EIF2S3: variants seen among roughly 807,000 people sequenced by gnomAD.
EIF2S3 encodes eukaryotic translation initiation factor 2 subunit gamma, also known as eukaryotic translation initiation factor 2 subunit 3.
EIF2S3 carries 2 observed loss-of-function variants against 31.7 expected under a neutral mutation model. The ratio of observed to expected loss-of-function variants is 0.06; its 90% CI spans 0.03 to 0.20. The LOEUF (loss-of-function observed/expected upper bound fraction) is 0.20. EIF2S3 is among the 10% of genes least tolerant of loss of function. EIF2S3 has a pLI of 1.00. For missense variants in EIF2S3, 96 were observed against 359.3 expected (o/e 0.27, Z 5.92); for synonymous variants, 120 against 126.7 (o/e 0.95, Z 0.36).
Position 24,057,760 on chromosome X carries a change from C to A in EIF2S3, c.383+6C>A, listed in dbSNP as rs999090964. 3.3e-6 allele frequency: 4 copies of A among 1,199,733 alleles called. No individual in the cohort carries two copies. The Admixed American group carries it at 7.0e-5, about 21-fold the overall frequency. On this transcript the variant is annotated splice_donor_region_variant and intron_variant, in intron 4 of 11. Transcript: ENST00000253039. ...GGGAACTTCAAATTAGTCAGGTGAC[C>A]TCTCTTTTGCTACAAACACTACACT...
At chrX:24,076,157 T>C (rs1195380308) in intron 11 of EIF2S3, among the ~76,000 whole-genome samples, 3 of 112,204 alleles carry the variant, frequency 2.7e-5, no homozygotes, top group African/African-American at 9.7e-5. Context: ...TATGCCCTTT[T>C]GATTTTACTG....
Position 24,071,770 on chromosome X carries a change from A to C in EIF2S3, c.1182+43A>C, listed in dbSNP as rs775556695. The C allele has an allele frequency of 2.6e-6, 3 of 1,150,868 alleles. No homozygotes were observed. The East Asian group carries it at 9.0e-5, about 35-fold the overall frequency. The allele number at this position is 1,150,868 out of a possible 1,213,427, so 94.8% of individuals were successfully genotyped here. On this transcript the variant is annotated intron_variant, in intron 10 of 11. Transcript: ENST00000253039. ...AATTCCTGTTTCTAAAAAAGTGACA[A>C]ATGGGAGTGTTAAACCAGTGTTGAG...
chrX:24,071,194 CTT>C (rs779322058), intron 9 of EIF2S3, among the ~76,000 whole-genome samples: 1 of 100,999 alleles, frequency 9.9e-6, no homozygotes, highest in Non-Finnish European at 2.0e-5. Flanking sequence ...ATCTAATTCA[CTT>C]TTTTTTTTTT....
chrX:24,066,905 T>G (rs138740783), intron 8 of EIF2S3, among the ~76,000 whole-genome samples: 1 of 112,103 alleles, frequency 8.9e-6, no homozygotes, highest in Non-Finnish European at 1.9e-5. Context: ...ACAATAAACA[T>G]GGGAGTGCAG....
rs369512704 is a variant in EIF2S3 at position 24,059,959 on chromosome X, C to G, written c.384-129C>G. On this transcript the variant is annotated intron_variant, in intron 4 of 11. Transcript: ENST00000253039. ...TGAACTTATTTCCAAGTTCTAGAAA[C>G]GACAAGCCCTGTAACCATTTTATAG... 1.4e-4 allele frequency: 69 copies of G among 480,802 alleles called. No homozygotes were observed. The South Asian group carries it at 2.3e-3, about 16-fold the overall frequency. The allele number at this position is 480,802 out of a possible 1,213,427, so 39.6% of individuals were successfully genotyped here.
At chrX:24,055,433 T>C (rs1331050998) in intron 1 of EIF2S3, among the ~76,000 whole-genome samples, 182 bp from the exon 2 acceptor site, 2 of 111,438 alleles carry the variant, frequency 1.8e-5, no homozygotes, top group Non-Finnish European at 3.8e-5. Flanking sequence ...TGTTGTGTAA[T>C]GATGAAGGGC....
intron 5 of EIF2S3, among the ~76,000 whole-genome samples, 166 bp from the exon 6 acceptor site, chrX:24,062,250 A>T (rs1369106220): frequency 9.0e-6 from 1 of 111,175 alleles, no homozygotes; most frequent in Non-Finnish European, 1.9e-5. Context: ...GAACTTTTGT[A>T]TCACCGCAAA....
chrX:24,067,613 C>G (rs1175883488), intron 8 of EIF2S3, among the ~76,000 whole-genome samples: 7 of 106,075 alleles, frequency 6.6e-5, no homozygotes, highest in Non-Finnish European at 1.3e-4. Context: ...ATTTTTGAGA[C>G]AGAGTCTCTC....
Position 24,057,663 on chromosome X carries a change from C to T in EIF2S3, c.292C>T (p.Arg98Trp). Residue 98 changes from arginine (R) to tryptophan (W), a missense_variant, in exon 4 of 12, where the codon CGG (arginine) becomes TGG (tryptophan). This residue lies in a region of EIF2S3 where 22 missense variants were observed against 34.5 expected (regional missense o/e 0.64). Coordinates refer to ENST00000253039, the MANE Select transcript of EIF2S3 (RefSeq NM_001415.4). ...IYKLDDPSCP[R>W]PECYRSCGSS... ...TAAGCTTGATGACCCAAGTTGCCCT[C>T]GGCCAGAATGTTATAGATCTTGTGG... The T allele has an allele frequency of 8.3e-7, 1 of 1,211,608 alleles. No individual in the cohort carries two copies. The highest frequency in any genetic ancestry group is 1.1e-6 in the Non-Finnish European group (1 of 895,468).
At chrX:24,068,726 G>A (rs760589447) in intron 9 of EIF2S3, among the ~76,000 whole-genome samples, 2 of 111,858 alleles carry the variant, frequency 1.8e-5, no homozygotes, top group South Asian at 3.7e-4. Context: ...GATTACAGGC[G>A]TGAACCACCA....
At chrX:24,065,894 G>T (rs1327056664) in intron 7 of EIF2S3, 104 bp from the exon 8 acceptor site, 3 of 666,825 alleles carry the variant, frequency 4.5e-6, no homozygotes, top group Non-Finnish European at 6.8e-6. Context: ...CACCCCTTTG[G>T]TATAAATCTC....
chrX:24,063,343 A>T (rs1930521749), intron 6 of EIF2S3, among the ~76,000 whole-genome samples: 1 of 112,243 alleles, frequency 8.9e-6, no homozygotes, highest in South Asian at 3.6e-4. Flanking sequence ...TTTCTCTCTC[A>T]GTCTTGTTTT....
At chrX:24,073,415 G>A (rs1024095434) in intron 11 of EIF2S3, 152 bp downstream of exon 11, 9 of 754,039 alleles carry the variant, frequency 1.2e-5, no homozygotes, top group Admixed American at 4.0e-5. Context: ...TACTTCGGCC[G>A]GGTGCGGTGG....
intron 1 of EIF2S3, 62 bp downstream of exon 1, chrX:24,055,099 G>A: frequency 8.9e-7 from 1 of 1,125,547 alleles, no homozygotes. Context: ...CGAGCCTCCC[G>A]GTGGTATTGG....
At chrX:24,055,913 G>A (rs1930396839) in intron 2 of EIF2S3, among the ~76,000 whole-genome samples, 2 of 112,100 alleles carry the variant, frequency 1.8e-5, no homozygotes, top group Admixed American at 9.5e-5. Context: ...AAGTTTAATA[G>A]CATAAGGCAG....
intron 9 of EIF2S3, among the ~76,000 whole-genome samples, chrX:24,069,401 A>G (rs1161211345): frequency 2.8e-5 from 3 of 108,414 alleles, no homozygotes; most frequent in Non-Finnish European, 1.9e-5. Flanking sequence ...AACAAGAAGA[A>G]AAGAAAAGAA....
intron 4 of EIF2S3, 74 bp from the exon 5 acceptor site, chrX:24,060,014 C>A: frequency 1.2e-6 from 1 of 830,886 alleles, no homozygotes; most frequent in Non-Finnish European, 1.8e-6. Context: ...GTTGATTTAA[C>A]TTTAAAAAAT....
intron 2 of EIF2S3, among the ~76,000 whole-genome samples, chrX:24,056,421 T>TGC (rs1930404450): frequency 8.9e-6 from 1 of 112,201 alleles, no homozygotes; most frequent in Non-Finnish European, 1.9e-5. Context: ...CAAATTACTG[T>TGC]GCATATATTG....
rs547756923 is a variant in EIF2S3, at chrX:24,056,854, G to A, written c.134-567G>A. Among the ~76,000 whole-genome samples the A allele has an allele frequency of 1.2e-3, 130 of 111,651 alleles. 2 individuals carry two copies. The Middle Eastern group carries it at 0.014, about 12-fold the overall frequency. ...AGCCTGGGCAGCAGCAGGAGACCCT[G>A]TCTGTCCCAGAGTATATTTTTTAAG... On this transcript the variant is annotated intron_variant, in intron 2 of 11. Transcript: ENST00000253039.
Sources: allele counts gnomAD v4.1 joint callset (sites outside exome capture counted in the v4.1 genomes callset), GRCh38; gene constraint gnomAD v4.1.1; regional missense constraint gnomAD v4.1.1; transcripts MANE v1.5; gene names NCBI Gene and HGNC (gene_info 2026-07-23, HGNC 2026-07-21).